The following TRAF3 variants were observed in gnomAD, a reference collection of about 807,000 sequenced individuals.
The protein encoded by TRAF3 is TNF receptor associated factor 3.
Under a neutral mutation model 62.3 loss-of-function variants are expected in TRAF3, and 13 were observed. The ratio of observed to expected loss-of-function variants is 0.21; its 90% CI spans 0.14 to 0.33. The LOEUF is 0.33. TRAF3 is among the 10% of genes least tolerant of loss of function. The pLI, the probability that TRAF3 is intolerant of heterozygous loss-of-function variation, is 1.00. For missense variants in TRAF3, 440 were observed against 741.8 expected (o/e 0.59, Z 4.73); for synonymous variants, 269 against 283.4 (o/e 0.95, Z 0.51).
intron 2 of TRAF3, among the ~76,000 whole-genome samples, chr14:102,850,688 T>TAAAA (rs35096461): frequency 0.2 from 17,621 of 86,976 alleles, 2,042 homozygotes; most frequent in East Asian, 0.33. Context: ...AGACTCCGTC[T>TAAAA]AAAAAAAAAA....
At chr14:102,828,463 G>A (rs796933244) in intron 1 of TRAF3, among the ~76,000 whole-genome samples, 15 of 152,314 alleles carry the variant, frequency 9.8e-5, no homozygotes, top group African/African-American at 3.6e-4. Flanking sequence ...GGCTGGCACA[G>A]CATGTCCTGC....
intron 1 of TRAF3, among the ~76,000 whole-genome samples, chr14:102,799,536 C>T (rs1302971333): frequency 5.3e-5 from 8 of 152,222 alleles, no homozygotes; most frequent in Admixed American, 6.5e-5. Flanking sequence ...CTGCAACCTC[C>T]GTCTCCCAGA....
chr14:102,869,862 G>A (rs894846978), intron 2 of TRAF3, among the ~76,000 whole-genome samples: 9 of 151,692 alleles, frequency 5.9e-5, no homozygotes, highest in African/African-American at 2.2e-4. Flanking sequence ...TCAGCCTAGA[G>A]TGCAGTGGTG....
At chr14:102,836,807 T>C (rs1886036755) in intron 2 of TRAF3, among the ~76,000 whole-genome samples, 1 of 152,258 alleles carries the variant, frequency 6.6e-6, no homozygotes, top group African/African-American at 2.4e-5. Context: ...TTTTGTGTTT[T>C]AGGAATGAAG....
At chr14:102,796,891 A>G (rs1695520682) in intron 1 of TRAF3, among the ~76,000 whole-genome samples, 1 of 152,244 alleles carries the variant, frequency 6.6e-6, no homozygotes, top group African/African-American at 2.4e-5. Flanking sequence ...CATAAGGGAC[A>G]GAATCATTGC....
In TRAF3 at chr14:102,892,376, G is replaced by C. The variant is rs986198255; in HGVS notation, c.819+959G>C. 4.6e-5 allele frequency among the ~76,000 whole-genome samples: 7 copies of C among 152,148 alleles called. No homozygotes were observed. The South Asian group carries it at 1.5e-3, about 32-fold the overall frequency. ...CCCAGCCTCCATGCTGTTCTTAAGAGGCCTTCATTGCAGGCCTATAGGCGC... is the reference window on the plus strand; with the variant it reads ...CCCAGCCTCCATGCTGTTCTTAAGACGCCTTCATTGCAGGCCTATAGGCGC... On this transcript the variant is annotated intron_variant, in intron 9 of 11. Coordinates refer to ENST00000392745, the MANE Select transcript of TRAF3 (RefSeq NM_145725.3).
rs1426243204 is a variant in TRAF3, at chr14:102,903,050, C to T, written c.961-205C>T. The T allele has an allele frequency of 1.4e-6, 1 of 692,110 alleles. No individual in the cohort carries two copies. 42.9% of individuals were successfully genotyped at this position (692,110 alleles called of 1,614,324 possible). A position where few individuals can be genotyped will look rare whatever the true frequency, so the allele number is the denominator to read the frequency against. On this transcript the variant is annotated intron_variant, in intron 10 of 11. Transcript: ENST00000392745. The surrounding 1 kb of genome is among the most constrained non-coding windows in gnomAD (Gnocchi z 6.4). ...TGGCTTCATGTCACCTCGAGTGCTC[C>T]CTGCCGGCACAAGCACTTGATCCCA...
intron 2 of TRAF3, among the ~76,000 whole-genome samples, chr14:102,868,817 T>G (rs1483133896): frequency 6.6e-6 from 1 of 152,250 alleles, no homozygotes; most frequent in Non-Finnish European, 1.5e-5. Flanking sequence ...GGAACTCGAT[T>G]CAACTCCTTT....
chr14:102,778,976 G>A (rs564970462), intron 1 of TRAF3, among the ~76,000 whole-genome samples: 8 of 152,300 alleles, frequency 5.3e-5, no homozygotes, highest in African/African-American at 1.9e-4. Flanking sequence ...TTTTCGCCGC[G>A]TTGTGACAAT....
At chr14:102,880,473 G>A (rs1277983663) in intron 6 of TRAF3, among the ~76,000 whole-genome samples, 1 of 152,192 alleles carries the variant, frequency 6.6e-6, no homozygotes, top group Non-Finnish European at 1.5e-5. Flanking sequence ...TGCTGGCAAG[G>A]TTGCAGAGAA....
chr14:102,790,424 A>C (rs1252595064), intron 1 of TRAF3, among the ~76,000 whole-genome samples: 1 of 152,200 alleles, frequency 6.6e-6, no homozygotes, highest in Admixed American at 6.5e-5. Flanking sequence ...TCATGCTGCT[A>C]ATAAAGACAT....
At position 102,849,325 on chromosome 14, in the gene TRAF3, C is replaced by G. The variant is rs144553228; in HGVS notation, c.-18+18853C>G. Among the ~76,000 whole-genome samples, 67 of 152,368 alleles carry G rather than the reference C, an allele frequency of 4.4e-4. 1 individual carries two copies. In the South Asian group the frequency reaches 0.012, roughly 28 times the overall value. ...GGGGAAGCCTCCATCTGGAGAAGTG[C>G]TGCCTGCACTTGGTTGCATATCGAG... On this transcript the variant is annotated intron_variant, in intron 2 of 11. Transcript: ENST00000392745.
At chr14:102,850,658 C>A (rs1886978079) in intron 2 of TRAF3, among the ~76,000 whole-genome samples, 1 of 147,906 alleles carries the variant, frequency 6.8e-6, no homozygotes, top group African/African-American at 2.6e-5. Flanking sequence ...CCACTGCACT[C>A]CAGCCTGGGC....
At chr14:102,828,334 T>C (rs1257811512) in intron 1 of TRAF3, among the ~76,000 whole-genome samples, 1 of 152,222 alleles carries the variant, frequency 6.6e-6, no homozygotes, top group Non-Finnish European at 1.5e-5. Context: ...TGAAGCCTTT[T>C]GCTCCCCTTC....
intron 2 of TRAF3, among the ~76,000 whole-genome samples, chr14:102,838,725 A>G (rs1886179693): frequency 6.6e-6 from 1 of 152,144 alleles, no homozygotes; most frequent in Non-Finnish European, 1.5e-5. Flanking sequence ...GGGGATGCTG[A>G]GCCAGCAGGG....
intron 1 of TRAF3, among the ~76,000 whole-genome samples, chr14:102,823,863 G>A (rs1226970024): frequency 1.4e-5 from 2 of 142,266 alleles, no homozygotes; most frequent in Non-Finnish European, 3.2e-5. Flanking sequence ...GCGGTTGACA[G>A]GATGTGTTTT....
At position 102,870,321 on chromosome 14, in the gene TRAF3, G is replaced by A. The variant is rs1888264111; in HGVS notation, c.120G>A (p.Lys40=). The change falls in exon 3 of 12, where the codon AAG becomes AAA. Residue 40 remains lysine (K), a synonymous_variant. Coordinates refer to ENST00000392745, the MANE Select transcript of TRAF3 (RefSeq NM_145725.3). ...TTGTCCCTGAACAAGGAGGTTACAAGGAAAAGTTTGTGAAGACCGTGGAGG... is the reference window on the plus strand; with the variant it reads ...TTGTCCCTGAACAAGGAGGTTACAAAGAAAAGTTTGTGAAGACCGTGGAGG... ...PVFVPEQGGY[K]EKFVKTVEDK... 1 of 1,614,208 alleles carries A rather than the reference G, an allele frequency of 6.2e-7. No individual in the cohort carries two copies.
At chr14:102,870,515 G>A (rs1027711626) in intron 3 of TRAF3, 69 bp downstream of exon 3, 27 of 1,580,622 alleles carry the variant, frequency 1.7e-5, no homozygotes, top group African/African-American at 6.7e-5. Context: ...TCCTTCATTC[G>A]TTTCTCTAAA....
intron 3 of TRAF3, among the ~76,000 whole-genome samples, chr14:102,870,965 C>T (rs1475810094): frequency 2.6e-5 from 4 of 152,226 alleles, no homozygotes; most frequent in Non-Finnish European, 4.4e-5. Context: ...GTGCTGGTAC[C>T]GCTGGTGGAT....
Sources: gnomAD v4.1 joint callset for allele counts (sites outside exome capture counted in the v4.1 genomes callset) on GRCh38, gnomAD v4.1.1 for gene constraint, Gnocchi (gnomAD v3.1) non-coding constraint, MANE v1.5 for transcripts, NCBI Gene and HGNC (gene_info 2026-07-23, HGNC 2026-07-21) for gene names.